The following CFAP20DC variants were observed in gnomAD, a reference collection of about 807,000 sequenced individuals.
The protein encoded by CFAP20DC is protein CFAP20DC.
CFAP20DC carries 84 observed loss-of-function variants against 101.7 expected under a neutral mutation model. The ratio of observed to expected loss-of-function variants is 0.83; its 90% CI spans 0.69 to 0.99. CFAP20DC has a LOEUF of 0.99. Ranked by LOEUF, CFAP20DC falls within the 50% of genes least tolerant of loss-of-function variation. CFAP20DC has a pLI of 0.00. For synonymous variants in CFAP20DC, 359 were observed against 351.2 expected (o/e 1.02, Z -0.25); for missense variants, 1,007 against 970.3 (o/e 1.04, Z -0.50).
downstream of CFAP20DC, among the ~76,000 whole-genome samples, chr3:58,739,091 G>T (rs1047554630): frequency 2.0e-5 from 3 of 152,066 alleles, no homozygotes; most frequent in African/African-American, 4.8e-5. Context: ...ATATAATAGG[G>T]CAAGATTTTT....
intron 4 of CFAP20DC, among the ~76,000 whole-genome samples, chr3:58,939,123 C>T (rs1403635450): frequency 6.6e-6 from 1 of 152,080 alleles, no homozygotes; most frequent in Admixed American, 6.5e-5. Context: ...TCACCTCATC[C>T]CCTTAAAATG....
intron 15 of CFAP20DC, among the ~76,000 whole-genome samples, chr3:58,792,972 A>T (rs2072974983): frequency 6.6e-6 from 1 of 152,132 alleles, no homozygotes; most frequent in African/African-American, 2.4e-5. Flanking sequence ...GTTTCCTGTA[A>T]GGGCACTGCT....
chr3:58,727,286 G>C (rs1312690369), intron 3 of CFAP20DC: 1 of 152,886 alleles, frequency 6.5e-6, no homozygotes, highest in African/African-American at 2.4e-5. Flanking sequence ...AAGGGGGAGG[G>C]CCCAGGGTAG....
chr3:59,016,092 T>C (rs1267623878), intron 4 of CFAP20DC, among the ~76,000 whole-genome samples: 1 of 152,074 alleles, frequency 6.6e-6, no homozygotes, highest in Non-Finnish European at 1.5e-5. Context: ...AAAATATGGA[T>C]TGCTGAGAGA....
chr3:58,977,986 C>T (rs2092351973), intron 4 of CFAP20DC, among the ~76,000 whole-genome samples: 1 of 152,160 alleles, frequency 6.6e-6, no homozygotes, highest in African/African-American at 2.4e-5. Context: ...CCCTTCCTCT[C>T]AGGAACTGAA....
intron 4 of CFAP20DC, among the ~76,000 whole-genome samples, chr3:59,004,000 T>G (rs2093373392): frequency 6.6e-6 from 1 of 152,220 alleles, no homozygotes; most frequent in African/African-American, 2.4e-5. Context: ...CCCTTGGCTA[T>G]TCTCACCTCA....
intron 4 of CFAP20DC, among the ~76,000 whole-genome samples, chr3:58,973,369 T>G (rs2092067978): frequency 6.6e-6 from 1 of 152,202 alleles, no homozygotes; most frequent in Non-Finnish European, 1.5e-5. Flanking sequence ...ATCAGTTACA[T>G]GTTGAATCCA....
At chr3:58,846,301 G>A (rs1408790554) in intron 13 of CFAP20DC, among the ~76,000 whole-genome samples, 3 of 151,636 alleles carry the variant, frequency 2.0e-5, no homozygotes, top group East Asian at 1.9e-4. Context: ...AAGCTGATAA[G>A]CAACTTCAGC....
chr3:58,877,265 G>A (rs2080830237), intron 7 of CFAP20DC, among the ~76,000 whole-genome samples: 1 of 152,154 alleles, frequency 6.6e-6, no homozygotes, highest in Non-Finnish European at 1.5e-5. Flanking sequence ...GGAGTAAGGT[G>A]GACACAGCCA....
intron 12 of CFAP20DC, among the ~76,000 whole-genome samples, chr3:58,857,786 A>T (rs529387579): frequency 1.0e-3 from 156 of 152,296 alleles, no homozygotes; most frequent in Non-Finnish European, 1.7e-3. Context: ...ATGGAGAATT[A>T]AAAAAAGTAC....
rs535869735 is a variant in CFAP20DC, at chr3:58,975,090, G to A, written c.279-37328C>T. Among the ~76,000 whole-genome samples the A allele has an allele frequency of 2.6e-5, 4 of 152,196 alleles. No individual in the cohort carries two copies. In the East Asian group the frequency reaches 5.8e-4, roughly 22 times the overall value. On this transcript the variant is annotated intron_variant, in intron 4 of 16. Coordinates refer to ENST00000482387, the MANE Select transcript of CFAP20DC (RefSeq NM_001394063.1). ...CAGCATATGTGCCAGTCTCACTCTC[G>A]CCAGCTTCACACTTGGTGTGTCCTT...
chr3:58,974,712 G>A (rs1380331587), intron 4 of CFAP20DC, among the ~76,000 whole-genome samples: 2 of 152,110 alleles, frequency 1.3e-5, no homozygotes, highest in Non-Finnish European at 2.9e-5. Context: ...TTAAATGAAG[G>A]TTTCCAGGTG....
intron 15 of CFAP20DC, among the ~76,000 whole-genome samples, chr3:58,796,408 A>T (rs2073245550): frequency 1.3e-5 from 2 of 152,118 alleles, no homozygotes; most frequent in Admixed American, 1.3e-4. Flanking sequence ...CCCTTAACTG[A>T]GGCTTTCTCT....
chr3:58,831,221 G>A (rs988384107), intron 14 of CFAP20DC, among the ~76,000 whole-genome samples: 4 of 152,226 alleles, frequency 2.6e-5, no homozygotes, highest in African/African-American at 9.6e-5. Flanking sequence ...ATCAGACACA[G>A]GGAGCAATCA....
chr3:58,848,563 C>T (rs1169354159), intron 13 of CFAP20DC, among the ~76,000 whole-genome samples: 1 of 152,082 alleles, frequency 6.6e-6, no homozygotes, highest in Non-Finnish European at 1.5e-5. Flanking sequence ...TATTCGATGA[C>T]ACTGTTTTAA....
intron 4 of CFAP20DC, among the ~76,000 whole-genome samples, chr3:58,999,711 G>C (rs954251521): frequency 6.6e-6 from 1 of 152,084 alleles, no homozygotes; most frequent in Admixed American, 6.5e-5. Flanking sequence ...TGACACACTA[G>C]AAAATACAGT....
chr3:58,861,418 T>C lies in CFAP20DC; in HGVS notation c.1593+2140A>G. 1.2e-6 allele frequency: 1 copy of C among 839,690 alleles called. No homozygotes were observed. The highest frequency in any genetic ancestry group is 1.4e-6 in the Non-Finnish European group (1 of 697,284). The allele number at this position is 839,690 out of a possible 1,614,324, so 52.0% of individuals were successfully genotyped here. A position where few individuals can be genotyped will look rare whatever the true frequency, so the allele number is the denominator to read the frequency against. On this transcript the variant is annotated intron_variant, in intron 12 of 16. Coordinates refer to ENST00000482387, the MANE Select transcript of CFAP20DC (RefSeq NM_001394063.1). This position sits in a 1 kb window ranked among gnomAD's most constrained non-coding sequence, Gnocchi z 4.0. ...AGGATGCCTTAATTAACTAAACTGA[T>C]TTTTCTTCAAAGACTATATGTAAAT...
intron 4 of CFAP20DC, among the ~76,000 whole-genome samples, chr3:58,954,592 G>A (rs1419712847): frequency 6.6e-6 from 1 of 152,014 alleles, no homozygotes; most frequent in African/African-American, 2.4e-5. Context: ...TGAGTTTAAC[G>A]GCCAATAGAA....
intron 14 of CFAP20DC, among the ~76,000 whole-genome samples, chr3:58,818,467 C>T (rs1479968305): frequency 1.3e-5 from 2 of 151,508 alleles, no homozygotes; most frequent in Non-Finnish European, 2.9e-5. Flanking sequence ...AAATGGAAAA[C>T]TGAAAAAGGC....
Sources: allele counts gnomAD v4.1 joint callset (sites outside exome capture counted in the v4.1 genomes callset), GRCh38; gene constraint gnomAD v4.1.1; non-coding constraint Gnocchi (gnomAD v3.1); transcripts MANE v1.5; gene names NCBI Gene and HGNC (gene_info 2026-07-23, HGNC 2026-07-21).